The following GCH1 variants were observed in gnomAD, a reference collection of about 807,000 sequenced individuals.
The protein encoded by GCH1 is GTP cyclohydrolase I.
In GCH1, 5 loss-of-function variants were observed where a neutral mutation model predicts 25.9. That is an observed-to-expected ratio of 0.19 (90% CI 0.10 to 0.41). GCH1 has a LOEUF of 0.41. Ranked by LOEUF, GCH1 falls within the 10% of genes least tolerant of loss-of-function variation. The pLI is 1.00. For missense variants in GCH1, 261 were observed against 336.5 expected, an observed-to-expected ratio of 0.78 and a Z score of 1.75; for synonymous variants, 159 against 129.6, an observed-to-expected ratio of 1.23 and a Z score of -1.54.
In GCH1 at chr14:54,902,511, G is replaced by A. The variant is rs745516526; in HGVS notation, c.153C>T (p.Asp51=). Residue 51 remains aspartate, a synonymous_variant, in exon 1 of 6, where the codon GAC becomes GAT. Coordinates refer to ENST00000491895, the MANE Select transcript of GCH1 (RefSeq NM_000161.3). ...TGCGGGGCCGCTCGCCCTTCCAGCC[G>A]TCCGCGGGCTGCGCGCTCTTGGCCT... ...RPEAKSAQPA[D]GWKGERPRSE... The A allele has an allele frequency of 1.3e-5, 21 of 1,598,854 alleles. No individual in the cohort carries two copies. Among genetic ancestry groups the A allele is most frequent in the Non-Finnish European group, 1.8e-5 (21 of 1,174,274 alleles).
chr14:54,857,117 CTT>C (rs1209528125), intron 3 of GCH1, among the ~76,000 whole-genome samples: 1 of 152,118 alleles, frequency 6.6e-6, no homozygotes, highest in Non-Finnish European at 1.5e-5. Context: ...TTAATAGACT[CTT>C]TATTCAAATT....
rs527952989 is a variant in GCH1 at position 54,845,100 on chromosome 14, G to T, written c.626+668C>A. On this transcript the variant is annotated intron_variant, in intron 5 of 5. Transcript: ENST00000491895. ...AGGCAGGAGAATCGCTTGAACCTGG[G>T]AGGCAGAGGTTGCAGTGAGCCAAGA... Among the ~76,000 whole-genome samples the T allele has an allele frequency of 7.9e-5, 12 of 152,132 alleles. No homozygotes were observed. The South Asian group carries it at 2.1e-3, about 26-fold the overall frequency.
chr14:54,848,632 C>T (rs1443263981), intron 3 of GCH1, among the ~76,000 whole-genome samples: 1 of 152,168 alleles, frequency 6.6e-6, no homozygotes, highest in African/African-American at 2.4e-5. Flanking sequence ...CTACACGTCT[C>T]AGAACCAACA....
chr14:54,845,741 C>T (rs757735905), intron 5 of GCH1, 27 bp downstream of exon 5: 2 of 1,254,308 alleles, frequency 1.6e-6, no homozygotes, highest in Non-Finnish European at 1.2e-6. Flanking sequence ...ACCATTATGA[C>T]GTTACTAAAG....
intron 1 of GCH1, among the ~76,000 whole-genome samples, chr14:54,900,111 C>A (rs1043097770): frequency 6.6e-6 from 1 of 151,986 alleles, no homozygotes; most frequent in Non-Finnish European, 1.5e-5. Context: ...GTGATCCGCC[C>A]GCCTCGGCCT....
At chr14:54,898,435 A>T (rs2040517438) in intron 1 of GCH1, among the ~76,000 whole-genome samples, 1 of 152,130 alleles carries the variant, frequency 6.6e-6, no homozygotes, top group African/African-American at 2.4e-5. Flanking sequence ...AAACTTTATA[A>T]ACACTGTACA....
intron 2 of GCH1, 90 bp from the exon 3 acceptor site, chr14:54,859,826 A>G: frequency 1.3e-6 from 1 of 756,290 alleles, no homozygotes; most frequent in East Asian, 2.5e-5. Context: ...AATATAGTAC[A>G]CTTTTATGTA....
Position 54,859,710 on chromosome 14 carries a change from C to T in GCH1, c.480G>A (p.Lys160=), listed in dbSNP as rs1486750298. 1.9e-6 allele frequency: 3 copies of T among 1,601,916 alleles called. No homozygotes were observed. Among genetic ancestry groups the T allele is most frequent in the Non-Finnish European group, 2.6e-6 (3 of 1,168,916 alleles). ...GKVHIGYLPN[K]QVLGLSKLAR... is the part of the protein sequence containing the mutation. ...CAAGTTTGCTGAGGCCAAGGACTTG[C>T]TTGTTAGGAAGATAACCAATATGGA... is the stretch of plus-strand genomic sequence containing the variant. The change falls in exon 3 of 6, where the codon AAG becomes AAA. Residue 160 remains lysine, a synonymous_variant. Transcript: ENST00000491895.
intron 1 of GCH1, among the ~76,000 whole-genome samples, chr14:54,870,610 G>A (rs142560323): frequency 0.017 from 2,567 of 152,276 alleles, 37 homozygotes; most frequent in South Asian, 0.047. Context: ...CAAAGAAAGC[G>A]GTGACAGATG....
intron 1 of GCH1, among the ~76,000 whole-genome samples, chr14:54,887,938 T>G (rs1317914012): frequency 1.3e-5 from 2 of 152,214 alleles, no homozygotes; most frequent in Non-Finnish European, 1.5e-5. Context: ...GGTATTACTA[T>G]TCTACCCAAC....
chr14:54,880,805 T>C (rs1273080990), intron 1 of GCH1, among the ~76,000 whole-genome samples: 14 of 55,090 alleles, frequency 2.5e-4, no homozygotes, highest in South Asian at 1.5e-3. Flanking sequence ...TATATATATA[T>C]ACTCCATATA....
Position 54,845,912 on chromosome 14 carries a change from C to A in GCH1, c.542-60G>T, listed in dbSNP as rs576671329. On this transcript the variant is annotated intron_variant, in intron 4 of 5. Coordinates refer to ENST00000491895, the MANE Select transcript of GCH1 (RefSeq NM_000161.3). ...TGACACAAACAGCTGGAAGCTTTTT[C>A]TGTCTCTAGAACATTTGAAATCTTA... The A allele has an allele frequency of 5.5e-6, 5 of 904,632 alleles. No homozygotes were observed. In the East Asian group the frequency reaches 1.2e-4, roughly 22 times the overall value. 56.0% of individuals were successfully genotyped at this position (904,632 alleles called of 1,614,324 possible).
intron 3 of GCH1, among the ~76,000 whole-genome samples, chr14:54,856,716 G>A (rs923925447): frequency 6.6e-6 from 1 of 152,138 alleles, no homozygotes; most frequent in Non-Finnish European, 1.5e-5. Flanking sequence ...GCCTCCCAAA[G>A]TGCTGAGATT....
intron 3 of GCH1, among the ~76,000 whole-genome samples, chr14:54,853,734 T>C: frequency 6.7e-6 from 1 of 148,612 alleles, no homozygotes; most frequent in East Asian, 1.9e-4. Flanking sequence ...GAGATTTGCC[T>C]ATCATTTTTT....
intron 1 of GCH1, among the ~76,000 whole-genome samples, chr14:54,899,933 C>T (rs1379171642): frequency 6.6e-6 from 1 of 151,580 alleles, no homozygotes; most frequent in Non-Finnish European, 1.5e-5. Flanking sequence ...GGTGCGATCT[C>T]GGCTCACTGC....
chr14:54,859,337 C>T, intron 3 of GCH1: 1 of 313,566 alleles, frequency 3.2e-6, no homozygotes, highest in Non-Finnish European at 6.1e-6. Flanking sequence ...TCTTCCCCAA[C>T]CCCTCACTGT....
Position 54,843,961 on chromosome 14 carries a change from C to CA in GCH1, c.*55dup, listed in dbSNP as rs1335671151. On this transcript the variant is annotated 3_prime_UTR_variant, in exon 6 of 6. Transcript: ENST00000491895. The stretch of plus-strand genomic sequence containing the variant: ...GAATGTACAAACAAGACCGGACAGA[C>CA]AGACAATGCTACTGGCAGTACGATC... 1.7e-5 allele frequency: 27 copies of CA among 1,613,898 alleles called. No individual in the cohort carries two copies. The highest frequency in any genetic ancestry group is 2.1e-5 in the Non-Finnish European group (25 of 1,179,988).
chr14:54,896,174 A>G (rs557355685), intron 1 of GCH1, among the ~76,000 whole-genome samples: 1 of 152,354 alleles, frequency 6.6e-6, no homozygotes, highest in African/African-American at 2.4e-5. Flanking sequence ...TAAAAGATAT[A>G]AAGTCCTGTA....
At chr14:54,845,645 A>G in intron 5 of GCH1, 123 bp downstream of exon 5, 1 of 752,720 alleles carries the variant, frequency 1.3e-6, no homozygotes, top group Non-Finnish European at 2.5e-6. Context: ...CAGGGATGGA[A>G]ATCTACAGTT....
Sources: allele counts gnomAD v4.1 joint callset (sites outside exome capture counted in the v4.1 genomes callset), GRCh38; gene constraint gnomAD v4.1.1; transcripts MANE v1.5; gene names NCBI Gene and HGNC (gene_info 2026-07-23, HGNC 2026-07-21).